PCDH15: variants seen among roughly 807,000 people sequenced by gnomAD.
PCDH15 encodes the protein protocadherin related 15, also known as protocadherin-15.
Under a neutral mutation model 178.5 loss-of-function variants are expected in PCDH15, and 129 were observed. That is an observed-to-expected ratio of 0.72 (90% CI 0.63 to 0.84). The LOEUF is 0.84. Ranked by LOEUF, PCDH15 falls within the 40% of genes least tolerant of loss-of-function variation. PCDH15 has a pLI of 0.00. For synonymous variants in PCDH15, 800 were observed against 732.0 expected (o/e 1.09, Z -1.50); for missense variants, 2,230 against 2,099.9 (o/e 1.06, Z -1.21).
At chr10:54,397,405 C>T (rs1292728948) in intron 3 of PCDH15, among the ~76,000 whole-genome samples, 2 of 152,014 alleles carry the variant, frequency 1.3e-5, no homozygotes, top group African/African-American at 4.8e-5. Flanking sequence ...TTCACTTCCT[C>T]CAATGCTTTT....
intron 2 of PCDH15, among the ~76,000 whole-genome samples, chr10:54,968,675 G>T (rs1838857113): frequency 6.6e-6 from 1 of 152,054 alleles, no homozygotes; most frequent in Admixed American, 6.6e-5. Context: ...CGTGTGTAGA[G>T]TCTGTCGAAT....
chr10:54,944,887 G>T (rs1401881849), intron 2 of PCDH15, among the ~76,000 whole-genome samples: 2 of 151,802 alleles, frequency 1.3e-5, no homozygotes, highest in African/African-American at 2.4e-5. Context: ...AACTAGAAAA[G>T]ACTGAATAAC....
chr10:53,806,519 A>G lies in PCDH15; in HGVS notation c.*60T>C. 2.2e-6 allele frequency: 3 copies of G among 1,354,514 alleles called. No individual in the cohort carries two copies. The South Asian group carries it at 4.4e-5, about 20-fold the overall frequency. 83.9% of individuals were successfully genotyped at this position (1,354,514 alleles called of 1,614,324 possible). A position where few individuals can be genotyped will look rare whatever the true frequency, so the allele number is the denominator to read the frequency against. ...TACATTGTTTTCTCAGTGACAATAA[A>G]AAGCACAGTTTATTAAAAATGTAAG... On this transcript the variant is annotated 3_prime_UTR_variant, in exon 38 of 38. Coordinates refer to ENST00000644397, the MANE Select transcript of PCDH15 (RefSeq NM_001384140.1).
In PCDH15 at chr10:54,791,640, A is replaced by G. The variant is rs932740402; in HGVS notation, c.-29+9285T>C. On this transcript the variant is annotated intron_variant, in intron 1 of 37. Transcript: ENST00000644397. ...TTTCTAAGCTCATGCTAATCTTCCC[A>G]TCTCAGTGACAATTTTAAAAATCCT... Among the ~76,000 whole-genome samples, 16 of 152,044 alleles carry G rather than the reference A, an allele frequency of 1.1e-4. No homozygotes were observed. In the East Asian group the frequency reaches 2.1e-3, roughly 20 times the overall value.
intron 1 of PCDH15, among the ~76,000 whole-genome samples, chr10:54,784,404 T>C (rs1950651277): frequency 6.7e-6 from 1 of 150,002 alleles, no homozygotes; most frequent in Non-Finnish European, 1.5e-5. Context: ...TAAGAGCAGA[T>C]TTCGCGGTAG....
chr10:54,197,339 A>C (rs1591106085), intron 10 of PCDH15, among the ~76,000 whole-genome samples: 1 of 152,104 alleles, frequency 6.6e-6, no homozygotes. Flanking sequence ...ATATTTTATT[A>C]TATGTGTATT....
intron 2 of PCDH15, among the ~76,000 whole-genome samples, chr10:54,997,698 C>T (rs576436586): frequency 2.5e-4 from 38 of 152,152 alleles, no homozygotes; most frequent in African/African-American, 5.5e-4. Context: ...AAGTTTGTTA[C>T]TATAAAACCT....
chr10:53,943,264 G>C (rs1458316888), intron 23 of PCDH15, among the ~76,000 whole-genome samples: 1 of 151,946 alleles, frequency 6.6e-6, no homozygotes, highest in Non-Finnish European at 1.5e-5. Context: ...TGAGCCGGGT[G>C]AATCCCCTGA....
chr10:55,075,578 T>C (rs1227141051), intron 2 of PCDH15, among the ~76,000 whole-genome samples: 2 of 151,960 alleles, frequency 1.3e-5, no homozygotes, highest in African/African-American at 4.8e-5. Context: ...CTGGCCAAGA[T>C]GGTCTCTGTC....
chr10:54,761,103 A>G (rs112777995), intron 1 of PCDH15, among the ~76,000 whole-genome samples: 1 of 152,200 alleles, frequency 6.6e-6, no homozygotes, highest in African/African-American at 2.4e-5. Flanking sequence ...GGCTTCCTCT[A>G]CGATGGCTTA....
intron 2 of PCDH15, among the ~76,000 whole-genome samples, chr10:55,017,308 C>T (rs1296013234): frequency 6.6e-6 from 1 of 152,094 alleles, no homozygotes; most frequent in Non-Finnish European, 1.5e-5. Flanking sequence ...AACTCTATTT[C>T]CCCTCTTGCT....
chr10:54,287,390 C>T (rs546284590), intron 8 of PCDH15, among the ~76,000 whole-genome samples: 1 of 152,186 alleles, frequency 6.6e-6, no homozygotes, highest in South Asian at 2.1e-4. Flanking sequence ...ATTATAGTTT[C>T]TGTTTCATGT....
At chr10:54,218,788 TTAAG>T (rs1207726656) in intron 9 of PCDH15, among the ~76,000 whole-genome samples, 1 of 152,132 alleles carries the variant, frequency 6.6e-6, no homozygotes, top group Non-Finnish European at 1.5e-5. Flanking sequence ...TGTTATTTGA[TTAAG>T]TGTCAAAATT....
intron 3 of PCDH15, among the ~76,000 whole-genome samples, chr10:54,399,611 C>T (rs1483536703): frequency 6.6e-6 from 1 of 152,196 alleles, no homozygotes; most frequent in South Asian, 2.1e-4. Context: ...TAACTGTATT[C>T]CAACTAGAGA....
At chr10:54,519,240 G>A (rs1020836472) in intron 3 of PCDH15, among the ~76,000 whole-genome samples, 1 of 152,086 alleles carries the variant, frequency 6.6e-6, no homozygotes, top group Admixed American at 6.6e-5. Context: ...GAAAACAAAG[G>A]GTATTCAATT....
chr10:54,132,533 A>G (rs1243564725), intron 15 of PCDH15, among the ~76,000 whole-genome samples: 3 of 152,218 alleles, frequency 2.0e-5, no homozygotes, highest in African/African-American at 7.2e-5. Flanking sequence ...AAAGGCATAC[A>G]AGACAGAAAA....
At chr10:54,114,041 A>G (rs116889693) in intron 15 of PCDH15, among the ~76,000 whole-genome samples, 25 of 152,276 alleles carry the variant, frequency 1.6e-4, no homozygotes, top group Non-Finnish European at 3.2e-4. Context: ...ACATGATTCC[A>G]TTACCTGCCA....
intron 26 of PCDH15, among the ~76,000 whole-genome samples, chr10:53,872,084 C>G (rs963789933): frequency 1.3e-5 from 2 of 152,156 alleles, no homozygotes; most frequent in African/African-American, 4.8e-5. Flanking sequence ...GTACAGTACA[C>G]ACTCTACCCC....
intron 8 of PCDH15, among the ~76,000 whole-genome samples, chr10:54,264,415 C>G (rs192259545): frequency 1.6e-4 from 25 of 152,172 alleles, no homozygotes; most frequent in Non-Finnish European, 3.1e-4. Context: ...GGATCCTAAC[C>G]AGATGTAAAT....
Sources: gnomAD v4.1 joint callset for allele counts (sites outside exome capture counted in the v4.1 genomes callset) on GRCh38, gnomAD v4.1.1 for gene constraint, MANE v1.5 for transcripts, NCBI Gene and HGNC (gene_info 2026-07-23, HGNC 2026-07-21) for gene names.